Variants in RSU1 observed in about 807,000 individuals in gnomAD.
RSU1 encodes Ras suppressor protein 1, also known as rsu-1.
In RSU1, 26 loss-of-function variants were observed where a neutral mutation model predicts 31.1. The observed-to-expected ratio is 0.84, with a 90% CI of 0.61 to 1.16. The LOEUF is 1.16. RSU1 is among the 50% of genes most tolerant of loss of function. RSU1 has a pLI of 0.00. For synonymous variants in RSU1, 164 were observed against 136.3 expected, an observed-to-expected ratio of 1.20 and a Z score of -1.41; for missense variants, 320 against 339.1, an observed-to-expected ratio of 0.94 and a Z score of 0.44.
At chr10:16,700,388 G>T (rs1361165419) in intron 7 of RSU1, among the ~76,000 whole-genome samples, 1 of 152,080 alleles carries the variant, frequency 6.6e-6, no homozygotes, top group Non-Finnish European at 1.5e-5. Flanking sequence ...TACTATACTA[G>T]ATTTCTCCAA....
intron 3 of RSU1, among the ~76,000 whole-genome samples, chr10:16,777,230 G>A (rs539224672): frequency 6.6e-6 from 1 of 151,450 alleles, no homozygotes; most frequent in Admixed American, 6.6e-5. Flanking sequence ...TTAAAATCTG[G>A]TTACATAAAT....
At chr10:16,670,298 C>G (rs61842274) in intron 8 of RSU1, among the ~76,000 whole-genome samples, 3,588 of 152,272 alleles carry the variant, frequency 0.024, 68 homozygotes, top group East Asian at 0.11. Flanking sequence ...GCTACATAAT[C>G]GTACATGCTA....
intron 7 of RSU1, among the ~76,000 whole-genome samples, chr10:16,747,965 CAG>C (rs1244645979): frequency 6.6e-6 from 1 of 152,214 alleles, no homozygotes; most frequent in Non-Finnish European, 1.5e-5. Context: ...GCCTGGGAGA[CAG>C]AAGCTGCAGT....
chr10:16,645,927 T>A lies in RSU1; in HGVS notation c.731+49096A>T, dbSNP rs1033196492. Reference sequence around the variant, plus strand: ...ACATATATGTATATATATGTGTATATACACATATGTGTATATATATGTGTA... The same window carrying A: ...ACATATATGTATATATATGTGTATAAACACATATGTGTATATATATGTGTA... On this transcript the variant is annotated intron_variant, in intron 8 of 8. Coordinates refer to ENST00000345264, the MANE Select transcript of RSU1 (RefSeq NM_012425.4). Among the ~76,000 whole-genome samples, 2 of 21,944 alleles carry A rather than the reference T, an allele frequency of 9.1e-5. 1 individual carries two copies. Among genetic ancestry groups the A allele is most frequent in the African/African-American group, 3.0e-4 (2 of 6,664 alleles). The allele number at this position is 21,944 out of a possible 152,430, so 14.4% of individuals were successfully genotyped here. A position where few individuals can be genotyped will look rare whatever the true frequency, so the allele number is the denominator to read the frequency against.
Position 16,645,929 on chromosome 10 carries a change from CACATATGTGTATATATATGT to C in RSU1, c.731+49074_731+49093del, listed in dbSNP as rs1834544911. Among the ~76,000 whole-genome samples, 20 of 8,894 alleles carry C rather than the reference CACATATGTGTATATATATGT, an allele frequency of 2.2e-3. 5 individuals carry two copies. The highest frequency in any genetic ancestry group is 7.9e-3 in the Admixed American group (5 of 634). 5.8% of individuals were successfully genotyped at this position (8,894 alleles called of 152,430 possible). ...ATATATGTATATATATGTGTATATA[CACATATGTGTATATATATGT>C]GTATATACATATATGTGTATATATA... On this transcript the variant is annotated intron_variant, in intron 8 of 8. Transcript: ENST00000345264.
chr10:16,593,282 A>G lies in RSU1; in HGVS notation c.*112T>C. 6.6e-7 allele frequency: 1 copy of G among 1,515,680 alleles called. No individual in the cohort carries two copies. Among genetic ancestry groups the G allele is most frequent in the African/African-American group, 1.4e-5 (1 of 72,110 alleles). 93.9% of individuals were successfully genotyped at this position (1,515,680 alleles called of 1,614,324 possible). On this transcript the variant is annotated 3_prime_UTR_variant, in exon 9 of 9. Coordinates refer to ENST00000345264, the MANE Select transcript of RSU1 (RefSeq NM_012425.4). ...AGCATTAGAAAGAGAGTGAAAAGAA[A>G]AATAAAAAAGGCCTCACACGCAGCA...
chr10:16,599,003 C>A (rs138280278), intron 8 of RSU1, among the ~76,000 whole-genome samples: 1 of 152,174 alleles, frequency 6.6e-6, no homozygotes, highest in Non-Finnish European at 1.5e-5. Flanking sequence ...GTTGTTTCTA[C>A]GAGAGGAAGT....
chr10:16,634,884 A>G (rs1834320134), intron 8 of RSU1, among the ~76,000 whole-genome samples: 1 of 152,232 alleles, frequency 6.6e-6, no homozygotes, highest in Non-Finnish European at 1.5e-5. Context: ...CTAAATTTCT[A>G]ACTTGTAAAT....
chr10:16,690,119 C>G (rs1420851572), intron 8 of RSU1, among the ~76,000 whole-genome samples: 1 of 152,132 alleles, frequency 6.6e-6, no homozygotes, highest in Non-Finnish European at 1.5e-5. Flanking sequence ...AGGGTGCTGA[C>G]TTCAACTTGA....
intron 8 of RSU1, among the ~76,000 whole-genome samples, 180 bp from the exon 9 acceptor site, chr10:16,593,676 C>A (rs1833553440): frequency 6.6e-6 from 1 of 152,246 alleles, no homozygotes; most frequent in Non-Finnish European, 1.5e-5. Context: ...TTCTCTTACA[C>A]ATGCACGCCA....
intron 2 of RSU1, among the ~76,000 whole-genome samples, chr10:16,786,029 G>A (rs1837785156): frequency 1.3e-5 from 2 of 152,216 alleles, no homozygotes; most frequent in Admixed American, 1.3e-4. Context: ...AACAACTGTG[G>A]CCACTAGAAA....
At chr10:16,685,581 T>TGGCGCTGATGGGAAGGTAGCAGTGAGGA (rs1564316433) in intron 8 of RSU1, among the ~76,000 whole-genome samples, 1 of 152,156 alleles carries the variant, frequency 6.6e-6, no homozygotes, top group African/African-American at 2.4e-5. Flanking sequence ...TAAGCTGTCA[T>TGGCGCTGATGGGAAGGTAGCAGTGAGGA]GGCGCTGATG....
chr10:16,780,335 G>A (rs989346662), intron 3 of RSU1, among the ~76,000 whole-genome samples: 2 of 152,182 alleles, frequency 1.3e-5, no homozygotes, highest in African/African-American at 4.8e-5. Flanking sequence ...ATGGCTCACT[G>A]CAACCTCGAC....
chr10:16,597,302 G>T (rs889192017), intron 8 of RSU1, among the ~76,000 whole-genome samples: 1 of 152,104 alleles, frequency 6.6e-6, no homozygotes, highest in East Asian at 1.9e-4. Flanking sequence ...TCCTTTTTCG[G>T]AGCGAACTGG....
At chr10:16,686,206 A>C (rs1835437585) in intron 8 of RSU1, among the ~76,000 whole-genome samples, 1 of 152,262 alleles carries the variant, frequency 6.6e-6, no homozygotes, top group Admixed American at 6.5e-5. Flanking sequence ...GCATGTAATA[A>C]AACAAGTTAT....
At chr10:16,751,118 C>T (rs557301536) in intron 7 of RSU1, among the ~76,000 whole-genome samples, 3 of 152,216 alleles carry the variant, frequency 2.0e-5, no homozygotes, top group East Asian at 1.9e-4. Flanking sequence ...CCGCCTGCTT[C>T]GGCCTCCCAA....
chr10:16,737,993 A>G (rs1836666708), intron 7 of RSU1, among the ~76,000 whole-genome samples: 1 of 152,262 alleles, frequency 6.6e-6, no homozygotes, highest in African/African-American at 2.4e-5. Flanking sequence ...TGTTTCGGAT[A>G]TCTCCGAATA....
intron 8 of RSU1, among the ~76,000 whole-genome samples, chr10:16,633,947 C>T (rs572298316): frequency 2.6e-5 from 4 of 152,318 alleles, no homozygotes; most frequent in African/African-American, 9.6e-5. Flanking sequence ...TGGTTTTCCC[C>T]TCCCAATTCC....
chr10:16,740,454 C>T (rs937923560), intron 7 of RSU1, among the ~76,000 whole-genome samples: 1 of 152,164 alleles, frequency 6.6e-6, no homozygotes, highest in African/African-American at 2.4e-5. Context: ...GATGTCTGCT[C>T]TTGCCATCTA....
Sources: allele counts gnomAD v4.1 joint callset (sites outside exome capture counted in the v4.1 genomes callset), GRCh38; gene constraint gnomAD v4.1.1; transcripts MANE v1.5; gene names NCBI Gene and HGNC (gene_info 2026-07-23, HGNC 2026-07-21).